The following STRIP2 variants were observed in gnomAD, a reference collection of about 807,000 sequenced individuals.
The protein encoded by STRIP2 is striatin-interacting protein 2.
STRIP2 carries 84 observed loss-of-function variants against 107.1 expected under a neutral mutation model. The observed-to-expected ratio is 0.78, with a 90% CI of 0.66 to 0.94. The LOEUF is 0.94. Among genes scored for constraint, STRIP2 ranks in the 40% least tolerant of loss-of-function variants. The probability of loss-of-function intolerance (pLI) is 0.00; values close to 1 mark genes in which losing one functional copy is unlikely to be tolerated. For synonymous variants in STRIP2, 394 were observed against 400.4 expected (o/e 0.98, Z 0.19); for missense variants, 888 against 1,034.2 (o/e 0.86, Z 1.94).
chr7:129,445,625 C>T (rs1054777521), intron 3 of STRIP2, among the ~76,000 whole-genome samples: 6 of 152,078 alleles, frequency 3.9e-5, no homozygotes, highest in Admixed American at 3.9e-4. Flanking sequence ...GAACTTTGCC[C>T]CAGCCCTGCA....
chr7:129,453,257 A>C lies in STRIP2; in HGVS notation c.440A>C (p.Asp147Ala). The change falls in exon 5 of 21, where the codon GAT becomes GCT. Residue 147 changes from aspartate (D) to alanine (A), a missense_variant. By Grantham distance (126) the Asp-to-Ala change is moderately radical. Transcript: ENST00000249344. ...GTFGECDSEV[D>A]VLHWSRYNCF... ...TTTGGGGAATGTGATTCAGAGGTCG[A>C]TGTGCTACACTGGTCCAGGTACAAC... The C allele has an allele frequency of 6.2e-7, 1 of 1,614,070 alleles. No homozygotes were observed. The highest frequency in any genetic ancestry group is 1.3e-5 in the African/African-American group (1 of 75,016).
chr7:129,453,786 G>T (rs1367160212), intron 5 of STRIP2, among the ~76,000 whole-genome samples: 1 of 152,220 alleles, frequency 6.6e-6, no homozygotes, highest in African/African-American at 2.4e-5. Flanking sequence ...TACCACTACA[G>T]TGACCCCTTG....
chr7:129,444,509 T>G (rs1256174691), intron 3 of STRIP2, among the ~76,000 whole-genome samples: 1 of 152,220 alleles, frequency 6.6e-6, no homozygotes, highest in Non-Finnish European at 1.5e-5. Context: ...GCCCACCAGA[T>G]TAAGGGTGGA....
rs748990113 is a variant in STRIP2 at position 129,440,023 on chromosome 7, G to T, written c.131G>T (p.Gly44Val). ...ACCAACAAAATTTCTCTGTTACAGG[G>T]CTCTGTGGACTGTCCCACTCTGGAG... ...AFRSQRRESE[G>V]SVDCPTLEFE... Residue 44 changes from glycine to valine, a missense_variant and splice_region_variant, in exon 2 of 21, where the codon GGC becomes GTC. By Grantham distance (109) the Gly-to-Val change is moderately radical. Coordinates refer to ENST00000249344, the MANE Select transcript of STRIP2 (RefSeq NM_020704.3). 2.0e-5 allele frequency: 32 copies of T among 1,613,854 alleles called. No homozygotes were observed. Among genetic ancestry groups the T allele is most frequent in the Non-Finnish European group, 2.4e-5 (28 of 1,179,878 alleles).
Position 129,484,983 on chromosome 7 carries a change from G to A in STRIP2, c.2255-596G>A, listed in dbSNP as rs770742781. ...TTCTGTTTTTACCTTCATTGAAGCCGTCACCTCATCATCTTAAAATAAGCT... is the reference window on the plus strand; with the variant it reads ...TTCTGTTTTTACCTTCATTGAAGCCATCACCTCATCATCTTAAAATAAGCT... On this transcript the variant is annotated intron_variant, in intron 20 of 20. Coordinates refer to ENST00000249344, the MANE Select transcript of STRIP2 (RefSeq NM_020704.3). Among the ~76,000 whole-genome samples, 5 of 152,224 alleles carry A rather than the reference G, an allele frequency of 3.3e-5. No individual in the cohort carries two copies. The South Asian group carries it at 8.3e-4, about 25-fold the overall frequency.
At chr7:129,479,052 A>C (rs1040036389) in intron 18 of STRIP2, among the ~76,000 whole-genome samples, 1 of 152,168 alleles carries the variant, frequency 6.6e-6, no homozygotes, top group Non-Finnish European at 1.5e-5. Flanking sequence ...AGGGAGGTGG[A>C]TCACCTGAGG....
At chr7:129,440,149 G>A in intron 2 of STRIP2, 58 bp downstream of exon 2, 1 of 1,364,274 alleles carries the variant, frequency 7.3e-7, no homozygotes, top group Non-Finnish European at 1.0e-6. Flanking sequence ...GAGGGAAGGG[G>A]CCTGTGATCT....
Position 129,458,081 on chromosome 7 carries a change from G to T in STRIP2, c.1039-134G>T. 1.3e-6 allele frequency: 1 copy of T among 748,116 alleles called. No homozygotes were observed. The highest frequency in any genetic ancestry group is 2.4e-6 in the Non-Finnish European group (1 of 418,620). The allele number at this position is 748,116 out of a possible 1,614,324, so 46.3% of individuals were successfully genotyped here. A position where few individuals can be genotyped will look rare whatever the true frequency, so the allele number is the denominator to read the frequency against. ...GGACAGTAGGTTAAGGTGGGGAATT[G>T]GATGTTTTCGCAAGGGCTGTGTTCA... is the stretch of plus-strand genomic sequence containing the variant. On this transcript the variant is annotated intron_variant, in intron 9 of 20. Coordinates refer to ENST00000249344, the MANE Select transcript of STRIP2 (RefSeq NM_020704.3). This position sits in a 1 kb window ranked among gnomAD's most constrained non-coding sequence, Gnocchi z 4.6.
At chr7:129,474,327 T>A (rs562145745) in intron 18 of STRIP2, among the ~76,000 whole-genome samples, 13 of 151,962 alleles carry the variant, frequency 8.6e-5, no homozygotes, top group South Asian at 8.3e-4. Context: ...TAAAAAAAAA[T>A]TTTTTTAGAG....
chr7:129,483,237 T>C lies in STRIP2; in HGVS notation c.2254+191T>C. 1 of 1,281,014 alleles carries C rather than the reference T, an allele frequency of 7.8e-7. No individual in the cohort carries two copies. The highest frequency in any genetic ancestry group is 9.9e-7 in the Non-Finnish European group (1 of 1,013,650). 79.4% of individuals were successfully genotyped at this position (1,281,014 alleles called of 1,614,324 possible). On this transcript the variant is annotated intron_variant, in intron 20 of 20. Coordinates refer to ENST00000249344, the MANE Select transcript of STRIP2 (RefSeq NM_020704.3). The surrounding 1 kb of genome is among the most constrained non-coding windows in gnomAD (Gnocchi z 5.1). ...CAAATTCTAGTATGTACCCTTGTCCTATGTAAACTATGAAAATCCGTTTTA... is the reference window on the plus strand; with the variant it reads ...CAAATTCTAGTATGTACCCTTGTCCCATGTAAACTATGAAAATCCGTTTTA...
At chr7:129,442,186 C>G (rs189441192) in intron 2 of STRIP2, among the ~76,000 whole-genome samples, 1 of 152,140 alleles carries the variant, frequency 6.6e-6, no homozygotes, top group Non-Finnish European at 1.5e-5. Flanking sequence ...GATCACGCCA[C>G]TGCACTCCAG....
Position 129,454,407 on chromosome 7 carries a change from T to G in STRIP2, c.600-14T>G. On this transcript the variant is annotated splice_polypyrimidine_tract_variant and intron_variant, in intron 6 of 20. Transcript: ENST00000249344. ...TTGCCTTGGGAACCTCTTGTGACTC[T>G]TCTGTAACCCCAGGGTGCTGCTGAG... The G allele has an allele frequency of 6.2e-7, 1 of 1,606,750 alleles. No homozygotes were observed. Among genetic ancestry groups the G allele is most frequent in the Non-Finnish European group, 8.5e-7 (1 of 1,173,388 alleles).
At chr7:129,453,572 C>T (rs1798258422) in intron 5 of STRIP2, among the ~76,000 whole-genome samples, 1 of 152,332 alleles carries the variant, frequency 6.6e-6, no homozygotes, top group African/African-American at 2.4e-5. Flanking sequence ...GCCTCACTTA[C>T]AGCTTTAATC....
chr7:129,483,012 T>G lies in STRIP2; in HGVS notation c.2220T>G (p.Arg740=). The G allele has an allele frequency of 6.2e-7, 1 of 1,614,214 alleles. No individual in the cohort carries two copies. The highest frequency in any genetic ancestry group is 1.1e-5 in the South Asian group (1 of 91,082). The change falls in exon 20 of 21, where the codon CGT becomes CGG. Residue 740 remains arginine, a synonymous_variant. Coordinates refer to ENST00000249344, the MANE Select transcript of STRIP2 (RefSeq NM_020704.3). This position sits in a 1 kb window ranked among gnomAD's most constrained non-coding sequence, Gnocchi z 5.1. ...TGTCAGCCATTTACCAGAAAGTGCGTCACCGCATGAACGATGACTGGGCTT... is the reference window on the plus strand; with the variant it reads ...TGTCAGCCATTTACCAGAAAGTGCGGCACCGCATGAACGATGACTGGGCTT... ...KTMSAIYQKV[R]HRMNDDWAYG...
Position 129,485,795 on chromosome 7 carries a change from C to T in STRIP2, c.2471C>T (p.Pro824Leu). 1.9e-6 allele frequency: 3 copies of T among 1,614,076 alleles called. No individual in the cohort carries two copies. In the South Asian group the frequency reaches 3.3e-5, roughly 18 times the overall value. Reference sequence around the variant, plus strand: ...CTCGAGAGAGAGGTGTTTTCACAGCCCATCTGTTGGGAGGAGCTGCTCCAG... The same window carrying T: ...CTCGAGAGAGAGGTGTTTTCACAGCTCATCTGTTGGGAGGAGCTGCTCCAG... ...LWLEREVFSQ[P>L]ICWEELLQNH Residue 824 changes from proline (P) to leucine (L), a missense_variant, in exon 21 of 21, where the codon CCC becomes CTC. Coordinates refer to ENST00000249344, the MANE Select transcript of STRIP2 (RefSeq NM_020704.3).
chr7:129,472,797 T>TTTTTTTTTTTTATTG (rs1798824319), intron 18 of STRIP2, among the ~76,000 whole-genome samples: 1 of 136,700 alleles, frequency 7.3e-6, no homozygotes, highest in African/African-American at 2.7e-5. Context: ...TTTTTTTTTT[T>TTTTTTTTTTTTATTG]TTTTTTTGAG....
rs975088812 is a variant in STRIP2 at position 129,434,468 on chromosome 7, G to A, written c.-5G>A. On this transcript the variant is annotated 5_prime_UTR_variant, in exon 1 of 21. Coordinates refer to ENST00000249344, the MANE Select transcript of STRIP2 (RefSeq NM_020704.3). ...GAACCCTGAGGGGAGCCGCTGACCA[G>A]CAGCATGGAGGACCCCGCCGCGCCT... is the stretch of plus-strand genomic sequence containing the variant. 2 of 1,509,454 alleles carry A rather than the reference G, an allele frequency of 1.3e-6. No homozygotes were observed. Among genetic ancestry groups the A allele is most frequent in the Middle Eastern group, 2.3e-4 (1 of 4,314 alleles). The allele number at this position is 1,509,454 out of a possible 1,614,324, so 93.5% of individuals were successfully genotyped here.
intron 13 of STRIP2, 142 bp downstream of exon 13, chr7:129,460,514 T>G: frequency 1.4e-6 from 1 of 702,254 alleles, no homozygotes; most frequent in Non-Finnish European, 2.5e-6. Context: ...ACTTTCATGA[T>G]ATATTGAAGT....
At chr7:129,465,053 TG>T (rs1205761034) in intron 16 of STRIP2, among the ~76,000 whole-genome samples, 2 of 139,066 alleles carry the variant, frequency 1.4e-5, no homozygotes, top group Admixed American at 7.4e-5. Context: ...TTCACAAAAA[TG>T]GGGGGGTGGG....
Sources: allele counts gnomAD v4.1 joint callset (sites outside exome capture counted in the v4.1 genomes callset), GRCh38; gene constraint gnomAD v4.1.1; non-coding constraint Gnocchi (gnomAD v3.1); transcripts MANE v1.5; gene names NCBI Gene and HGNC (gene_info 2026-07-23, HGNC 2026-07-21).